The following DDHD1 variants were observed in gnomAD, a reference collection of about 807,000 sequenced individuals.
The protein encoded by DDHD1 is DDHD domain containing 1, also known as phospholipase DDHD1.
A neutral mutation model predicts 96.4 loss-of-function variants in DDHD1; 49 were observed. That is an observed-to-expected ratio of 0.51 (90% CI 0.40 to 0.64). The LOEUF (loss-of-function observed/expected upper bound fraction) is 0.64, where lower values mean the gene tolerates loss of function less well. Ranked by LOEUF, DDHD1 falls within the 30% of genes least tolerant of loss-of-function variation. DDHD1 has a pLI of 0.00. For synonymous variants in DDHD1, 442 were observed against 446.5 expected (o/e 0.99, Z 0.13); for missense variants, 1,106 against 1,161.2 (o/e 0.95, Z 0.69).
Position 53,070,229 on chromosome 14 carries a change from C to T in DDHD1, c.1503+2368G>A, listed in dbSNP as rs560900092. Among the ~76,000 whole-genome samples the T allele has an allele frequency of 3.3e-5, 5 of 152,262 alleles. No individual in the cohort carries two copies. The South Asian group carries it at 8.3e-4, about 25-fold the overall frequency. ...GTGCTATAAAACTCCAGAAGGAAATCGTAAACATACCAAAAATTTGCAAGT... is the reference window on the plus strand; with the variant it reads ...GTGCTATAAAACTCCAGAAGGAAATTGTAAACATACCAAAAATTTGCAAGT... On this transcript the variant is annotated intron_variant, in intron 6 of 12. Transcript: ENST00000673822.
At chr14:53,149,348 A>G (rs1891196997) in intron 1 of DDHD1, among the ~76,000 whole-genome samples, 1 of 152,176 alleles carries the variant, frequency 6.6e-6, no homozygotes, top group African/African-American at 2.4e-5. Context: ...ATTTTTTTTC[A>G]AACACTTTTA....
intron 2 of DDHD1, among the ~76,000 whole-genome samples, chr14:53,096,383 TATA>T (rs1409289293): frequency 6.6e-6 from 1 of 152,104 alleles, no homozygotes; most frequent in African/African-American, 2.4e-5. Context: ...AAAACATTAG[TATA>T]ATGTTTATCA....
intron 12 of DDHD1, chr14:53,048,445 C>A (rs895212286): frequency 1.3e-5 from 2 of 150,454 alleles, no homozygotes; most frequent in Non-Finnish European, 2.9e-5. Flanking sequence ...TCAAGCGATT[C>A]TCTGGCCTCA....
chr14:53,149,853 T>C (rs1216841366), intron 1 of DDHD1: 1 of 152,356 alleles, frequency 6.6e-6, no homozygotes, highest in Non-Finnish European at 1.5e-5. Context: ...TCTACTGATA[T>C]TCTGCTTCCA....
chr14:53,114,177 C>G (rs913324458), intron 1 of DDHD1, among the ~76,000 whole-genome samples: 4 of 152,214 alleles, frequency 2.6e-5, no homozygotes, highest in African/African-American at 4.8e-5. Flanking sequence ...GATTCCTCCT[C>G]ACTGGGCGGA....
intron 4 of DDHD1, among the ~76,000 whole-genome samples, chr14:53,086,972 C>CAAAAAAAAAAAAAAAAAAA (rs60569444): frequency 9.6e-5 from 5 of 52,220 alleles, no homozygotes; most frequent in Non-Finnish European, 1.1e-4. Context: ...AAATGAAAAG[C>CAAAAAAAAAAAAAAAAAAA]AAAAAAAAAA....
At chr14:53,121,532 A>G (rs902979821) in intron 1 of DDHD1, among the ~76,000 whole-genome samples, 1 of 152,230 alleles carries the variant, frequency 6.6e-6, no homozygotes, top group Admixed American at 6.5e-5. Flanking sequence ...GAAGCAACCC[A>G]AATGCTCATC....
rs759737242 is a variant in DDHD1, at chr14:53,043,109, A to G, written c.*3659T>C. The G allele has an allele frequency of 1.3e-5, 2 of 152,176 alleles. No homozygotes were observed. The highest frequency in any genetic ancestry group is 2.9e-5 in the Non-Finnish European group (2 of 68,050). The allele number at this position is 152,176 out of a possible 1,614,324, so 9.4% of individuals were successfully genotyped here. The stretch of plus-strand genomic sequence containing the variant: ...GCACTAGCTGTGATACGGTACTGAC[A>G]ATTTCTTTTCCTTTTGTCTACTGTC... On this transcript the variant is annotated 3_prime_UTR_variant, in exon 13 of 13. Coordinates refer to ENST00000673822, the MANE Select transcript of DDHD1 (RefSeq NM_001160148.2).
chr14:53,148,807 A>G (rs1891166640), intron 1 of DDHD1, among the ~76,000 whole-genome samples: 1 of 152,206 alleles, frequency 6.6e-6, no homozygotes, highest in Non-Finnish European at 1.5e-5. Context: ...TAACCTTACT[A>G]ACCTGTATGT....
chr14:53,053,732 T>G (rs961809743), intron 11 of DDHD1: 1 of 152,118 alleles, frequency 6.6e-6, no homozygotes, highest in African/African-American at 2.4e-5. Flanking sequence ...AATGAAAAAA[T>G]AGGACTTGAC....
intron 2 of DDHD1, among the ~76,000 whole-genome samples, chr14:53,101,375 T>A (rs1887281611): frequency 6.6e-6 from 1 of 152,010 alleles, no homozygotes; most frequent in Non-Finnish European, 1.5e-5. Context: ...AAAAATAAAG[T>A]GACCAAAAAT....
chr14:53,053,548 G>T (rs903171401), intron 11 of DDHD1: 5 of 151,986 alleles, frequency 3.3e-5, no homozygotes, highest in African/African-American at 1.2e-4. Context: ...AAGGATGGAT[G>T]GCAATGAATG....
At chr14:53,085,626 C>T (rs1289539569) in intron 4 of DDHD1, among the ~76,000 whole-genome samples, 1 of 152,164 alleles carries the variant, frequency 6.6e-6, no homozygotes, top group Non-Finnish European at 1.5e-5. Context: ...GACATCCACA[C>T]CAAAACCCCA....
Position 53,103,674 on chromosome 14 carries a change from T to TTAA in DDHD1, c.1012+8_1012+9insTTA. The stretch of plus-strand genomic sequence containing the variant: ...TGTAGAATATATTAAATGTATCAAT[T>TTAA]GATCTTACCATCTTTTCCATCTATG... On this transcript the variant is annotated intron_variant, in intron 2 of 12. Transcript: ENST00000673822. 1 of 1,601,590 alleles carries TTAA rather than the reference T, an allele frequency of 6.2e-7. No individual in the cohort carries two copies. Among genetic ancestry groups the TTAA allele is most frequent in the South Asian group, 1.1e-5 (1 of 89,046 alleles).
intron 1 of DDHD1, among the ~76,000 whole-genome samples, chr14:53,148,543 T>C (rs6572875): frequency 0.86 from 131,448 of 151,978 alleles, 56,922 homozygotes; most frequent in East Asian, 0.98. Context: ...GAACTCCTGA[T>C]CTCAGGTGAT....
chr14:53,091,179 C>T (rs568434748), intron 4 of DDHD1, among the ~76,000 whole-genome samples: 1 of 152,336 alleles, frequency 6.6e-6, no homozygotes, highest in African/African-American at 2.4e-5. Flanking sequence ...TTAACCCTAA[C>T]ATGCCCTTTC....
At position 53,041,550 on chromosome 14, in the gene DDHD1, A is replaced by G. The variant is rs1405098520; in HGVS notation, c.*5218T>C. ...ATGAATTGATAAAAGGCCCACATAA[A>G]CACTATGGAAAGGAATGTTAAACAT... On this transcript the variant is annotated 3_prime_UTR_variant, in exon 13 of 13. Coordinates refer to ENST00000673822, the MANE Select transcript of DDHD1 (RefSeq NM_001160148.2). The G allele has an allele frequency of 6.6e-6, 1 of 152,244 alleles. No homozygotes were observed. Among genetic ancestry groups the G allele is most frequent in the Non-Finnish European group, 1.5e-5 (1 of 68,040 alleles). 9.4% of individuals were successfully genotyped at this position (152,244 alleles called of 1,614,324 possible).
chr14:53,087,787 C>T (rs1310905063), intron 4 of DDHD1, among the ~76,000 whole-genome samples: 1 of 152,024 alleles, frequency 6.6e-6, no homozygotes, highest in Non-Finnish European at 1.5e-5. Flanking sequence ...CAAAATATAG[C>T]AGAAGGCAAG....
chr14:53,100,942 T>C (rs1887250523), intron 2 of DDHD1, among the ~76,000 whole-genome samples: 2 of 152,232 alleles, frequency 1.3e-5, no homozygotes, highest in Non-Finnish European at 2.9e-5. Context: ...CTTTTGTAAC[T>C]GTTTTCATCT....
Sources: allele counts gnomAD v4.1 joint callset (sites outside exome capture counted in the v4.1 genomes callset), GRCh38; gene constraint gnomAD v4.1.1; transcripts MANE v1.5; gene names NCBI Gene and HGNC (gene_info 2026-07-23, HGNC 2026-07-21).